TMTC2: variants seen among roughly 807,000 people sequenced by gnomAD.
TMTC2 encodes the protein protein O-mannosyl-transferase TMTC2.
Under a neutral mutation model 82.4 loss-of-function variants are expected in TMTC2, and 43 were observed. The ratio of observed to expected loss-of-function variants is 0.52; its 90% CI spans 0.41 to 0.67. The LOEUF is 0.67. Ranked by LOEUF, TMTC2 falls within the 30% of genes least tolerant of loss-of-function variation. The pLI, the probability that TMTC2 is intolerant of heterozygous loss-of-function variation, is 0.00. For synonymous variants in TMTC2, 408 were observed against 381.9 expected, an observed-to-expected ratio of 1.07 and a Z score of -0.80; for missense variants, 919 against 1,012.4, an observed-to-expected ratio of 0.91 and a Z score of 1.25.
intron 8 of TMTC2, among the ~76,000 whole-genome samples, chr12:82,996,201 T>G (rs1224304688): frequency 6.6e-6 from 1 of 152,018 alleles, no homozygotes; most frequent in Admixed American, 6.6e-5. Context: ...GACAGTGGAG[T>G]TTACAGCTGA....
At chr12:82,924,939 G>A (rs1161685172) in intron 3 of TMTC2, among the ~76,000 whole-genome samples, 2 of 152,052 alleles carry the variant, frequency 1.3e-5, no homozygotes, top group Non-Finnish European at 2.9e-5. Flanking sequence ...TATGTGATTG[G>A]ACCCTTGCCT....
intron 1 of TMTC2, among the ~76,000 whole-genome samples, chr12:82,711,560 C>T (rs545521318): frequency 6.6e-6 from 1 of 152,164 alleles, no homozygotes; most frequent in South Asian, 2.1e-4. Flanking sequence ...TGGATAATGT[C>T]TAATAGCTCT....
At chr12:82,790,455 T>G (rs1402507568) in intron 1 of TMTC2, among the ~76,000 whole-genome samples, 2 of 152,150 alleles carry the variant, frequency 1.3e-5, no homozygotes, top group Admixed American at 6.5e-5. Context: ...ACTATTCTTA[T>G]GAATTCTCTT....
chr12:82,791,447 AC>A (rs1878466059), intron 1 of TMTC2, among the ~76,000 whole-genome samples: 1 of 152,100 alleles, frequency 6.6e-6, no homozygotes, highest in South Asian at 2.1e-4. Context: ...TAAGAATCAG[AC>A]CTACTACTAA....
At chr12:82,886,260 C>A (rs994184866) in intron 2 of TMTC2, among the ~76,000 whole-genome samples, 2 of 152,126 alleles carry the variant, frequency 1.3e-5, no homozygotes, top group African/African-American at 4.8e-5. Flanking sequence ...ATTTTCTGTT[C>A]CAGTCCTAAA....
At chr12:83,024,994 C>G (rs1253971570) in intron 8 of TMTC2, among the ~76,000 whole-genome samples, 1 of 152,146 alleles carries the variant, frequency 6.6e-6, no homozygotes, top group Non-Finnish European at 1.5e-5. Context: ...CAGTTCGAGA[C>G]TAGCCTGGCC....
intron 11 of TMTC2, among the ~76,000 whole-genome samples, chr12:83,127,726 C>A (rs143173046): frequency 6.6e-6 from 1 of 152,052 alleles, no homozygotes; most frequent in South Asian, 2.1e-4. Flanking sequence ...ACCCTGTGAG[C>A]TCAGCTGCAT....
At position 83,121,564 on chromosome 12, in the gene TMTC2, G is replaced by T. The variant is rs71450922; in HGVS notation, c.2332-10646G>T. Among the ~76,000 whole-genome samples the T allele has an allele frequency of 5.7e-3, 868 of 152,154 alleles. 8 individuals carry two copies. Among genetic ancestry groups the T allele is most frequent in the Non-Finnish European group, 9.6e-3 (650 of 67,998 alleles). The stretch of plus-strand genomic sequence containing the variant: ...CCTGTTCTGGTGGAGGTGGCAGGGG[G>T]GTGAAATGGACTCTTTGAGGGTTCT... On this transcript the variant is annotated intron_variant, in intron 11 of 11. Coordinates refer to ENST00000321196, the MANE Select transcript of TMTC2 (RefSeq NM_152588.3).
chr12:82,728,448 C>T (rs181116239), intron 1 of TMTC2, among the ~76,000 whole-genome samples: 38 of 152,180 alleles, frequency 2.5e-4, no homozygotes, highest in East Asian at 7.8e-4. Flanking sequence ...AGGCTGGGCG[C>T]GGTGGCTCAC....
intron 1 of TMTC2, among the ~76,000 whole-genome samples, chr12:82,854,693 C>A (rs1871162536): frequency 6.6e-6 from 1 of 152,106 alleles, no homozygotes; most frequent in Non-Finnish European, 1.5e-5. Flanking sequence ...ATATAGTGAA[C>A]CATCCCGGCC....
chr12:82,860,871 A>G (rs1328932439), intron 2 of TMTC2, among the ~76,000 whole-genome samples: 1 of 152,220 alleles, frequency 6.6e-6, no homozygotes, highest in African/African-American at 2.4e-5. Flanking sequence ...TGAAGCTTGT[A>G]AACACTGACA....
At chr12:82,931,716 T>C (rs1489396469) in intron 4 of TMTC2, among the ~76,000 whole-genome samples, 1 of 152,156 alleles carries the variant, frequency 6.6e-6, no homozygotes, top group African/African-American at 2.4e-5. Flanking sequence ...CCATTTTCTG[T>C]GGTACTCTAT....
chr12:83,086,945 A>G (rs922725118), intron 11 of TMTC2, among the ~76,000 whole-genome samples: 22 of 152,332 alleles, frequency 1.4e-4, no homozygotes, highest in East Asian at 1.9e-4. Context: ...TAAGACAACA[A>G]TGAAGTTTGC....
Position 82,903,578 on chromosome 12 carries a change from A to AT in TMTC2, c.1483+6940dup, listed in dbSNP as rs569515507. ...AGGCGCCCGCCACCACGCCCAGCTA[A>AT]TTTTTTTTGTATTTTTAGTAGAGAC... On this transcript the variant is annotated intron_variant, in intron 3 of 11. Coordinates refer to ENST00000321196, the MANE Select transcript of TMTC2 (RefSeq NM_152588.3). 5.9e-3 allele frequency among the ~76,000 whole-genome samples: 896 copies of AT among 151,684 alleles called. 9 individuals are homozygous for AT. The highest frequency in any genetic ancestry group is 0.02 in the African/African-American group (815 of 41,374).
chr12:82,736,924 A>G (rs1377377080), intron 1 of TMTC2, among the ~76,000 whole-genome samples: 1 of 152,202 alleles, frequency 6.6e-6, no homozygotes, highest in African/African-American at 2.4e-5. Flanking sequence ...CTTCTGCCTT[A>G]CAAACTAACA....
At chr12:82,735,446 T>C (rs190040299) in intron 1 of TMTC2, among the ~76,000 whole-genome samples, 4,015 of 151,530 alleles carry the variant, frequency 0.026, 57 homozygotes, top group Middle Eastern at 0.048. Flanking sequence ...CCCAGGTTCA[T>C]GCCATTCTCC....
At position 82,857,490 on chromosome 12, in the gene TMTC2, A is replaced by G; in HGVS notation, c.564A>G (p.Gln188=). Residue 188 remains glutamine (Q), a synonymous_variant, in exon 2 of 12, where the codon CAA becomes CAG. Coordinates refer to ENST00000321196, the MANE Select transcript of TMTC2 (RefSeq NM_152588.3). ...GATGCAGCATGTTGTGGAAGGAACA[A>G]GGAGTGACTGTTCTCGCAGTTTCAG... The part of the protein sequence containing the change: ...CAGCSMLWKE[Q]GVTVLAVSAV... 1.2e-6 allele frequency: 2 copies of G among 1,614,216 alleles called. No individual in the cohort carries two copies. The highest frequency in any genetic ancestry group is 1.7e-6 in the Non-Finnish European group (2 of 1,180,040).
chr12:83,009,371 GTCTACCCTCAGCCTCC>G (rs2137383017), intron 8 of TMTC2, among the ~76,000 whole-genome samples: 1 of 152,202 alleles, frequency 6.6e-6, no homozygotes, highest in South Asian at 2.1e-4. Flanking sequence ...TCTCCTGATA[GTCTACCCTCAGCCTCC>G]AGCAAGTTGT....
intron 1 of TMTC2, among the ~76,000 whole-genome samples, chr12:82,854,164 T>A (rs1871131171): frequency 6.6e-6 from 1 of 152,170 alleles, no homozygotes; most frequent in Non-Finnish European, 1.5e-5. Context: ...GGAAAATCAA[T>A]CTACTGTTCT....
Sources: allele counts gnomAD v4.1 joint callset (sites outside exome capture counted in the v4.1 genomes callset), GRCh38; gene constraint gnomAD v4.1.1; transcripts MANE v1.5; gene names NCBI Gene and HGNC (gene_info 2026-07-23, HGNC 2026-07-21).